The following VPS13B variants were observed in gnomAD, a reference collection of about 807,000 sequenced individuals.
VPS13B encodes the protein intermembrane lipid transfer protein VPS13B.
A neutral mutation model predicts 426.4 loss-of-function variants in VPS13B; 285 were observed. The observed-to-expected ratio is 0.67, with a 90% CI of 0.61 to 0.74. VPS13B has a LOEUF of 0.74. VPS13B is among the 30% of genes least tolerant of loss of function. The probability of loss-of-function intolerance (pLI) is 0.00; values close to 1 mark genes in which losing one functional copy is unlikely to be tolerated. For synonymous variants in VPS13B, 1,676 were observed against 1,676.4 expected (o/e 1.00, Z 0.01); for missense variants, 4,537 against 4,782.6 (o/e 0.95, Z 1.51).
At chr8:99,046,169 A>G (rs921266347) in intron 3 of VPS13B, among the ~76,000 whole-genome samples, 1 of 152,150 alleles carries the variant, frequency 6.6e-6, no homozygotes, top group African/African-American at 2.4e-5. Flanking sequence ...GATTCTACCC[A>G]TCCATGAGCA....
In VPS13B at chr8:99,303,282, A is replaced by T. The variant is rs182651108; in HGVS notation, c.2824+28028A>T. 2.7e-3 allele frequency among the ~76,000 whole-genome samples: 408 copies of T among 149,490 alleles called. 3 individuals are homozygous for T. Among genetic ancestry groups the T allele is most frequent in the Non-Finnish European group, 4.6e-3 (310 of 67,260 alleles). The stretch of plus-strand genomic sequence containing the variant: ...TCAAAAAAAAAAAAAAAAAAAAAGG[A>T]AAACAACTAGTTGAGAAGGAGAACT... On this transcript the variant is annotated intron_variant, in intron 19 of 61. Coordinates refer to ENST00000357162, the MANE Select transcript of VPS13B (RefSeq NM_152564.5).
chr8:99,794,463 A>G (rs914494869), intron 43 of VPS13B, among the ~76,000 whole-genome samples: 1 of 152,226 alleles, frequency 6.6e-6, no homozygotes, highest in Middle Eastern at 3.2e-3. Flanking sequence ...TATTAAATTC[A>G]ATCAGATAAA....
intron 57 of VPS13B, 57 bp downstream of exon 57, chr8:99,859,537 TTA>T: frequency 2.5e-6 from 4 of 1,574,976 alleles, no homozygotes; most frequent in East Asian, 4.5e-5. Flanking sequence ...TTTTTTTTTT[TTA>T]AAGAATGTGC....
At chr8:99,247,127 A>G (rs1019565081) in intron 17 of VPS13B, among the ~76,000 whole-genome samples, 14 of 152,184 alleles carry the variant, frequency 9.2e-5, no homozygotes, top group South Asian at 4.1e-4. Context: ...TGGTTATTGC[A>G]TGAAGGTACC....
intron 15 of VPS13B, among the ~76,000 whole-genome samples, chr8:99,162,652 G>A (rs1054202717): frequency 3.8e-4 from 58 of 152,090 alleles, no homozygotes; most frequent in Admixed American, 3.1e-3. Flanking sequence ...GGAGTTGTTC[G>A]TTCCTCCCGG....
intron 23 of VPS13B, among the ~76,000 whole-genome samples, chr8:99,444,306 C>T (rs1817812573): frequency 6.6e-6 from 1 of 152,038 alleles, no homozygotes; most frequent in African/African-American, 2.4e-5. Context: ...ACCATATTGG[C>T]CAGGCTGGTT....
At chr8:99,559,643 G>A (rs1446302353) in intron 31 of VPS13B, among the ~76,000 whole-genome samples, 1 of 152,158 alleles carries the variant, frequency 6.6e-6, no homozygotes, top group Non-Finnish European at 1.5e-5. Context: ...AGTTTTCCCA[G>A]CACCATTTAT....
intron 39 of VPS13B, among the ~76,000 whole-genome samples, chr8:99,733,295 G>A (rs764499879): frequency 2.0e-5 from 3 of 152,152 alleles, no homozygotes; most frequent in African/African-American, 4.8e-5. Flanking sequence ...AAACAATGTC[G>A]TCCAGCTGTT....
chr8:99,569,016 G>A (rs1013998912), intron 31 of VPS13B, among the ~76,000 whole-genome samples: 3 of 151,540 alleles, frequency 2.0e-5, no homozygotes, highest in Admixed American at 6.6e-5. Flanking sequence ...TAGAGACGGG[G>A]TCTCACCATG....
At chr8:99,711,878 C>A (rs1161410886) in intron 36 of VPS13B, among the ~76,000 whole-genome samples, 1 of 152,056 alleles carries the variant, frequency 6.6e-6, no homozygotes, top group African/African-American at 2.4e-5. Context: ...TGGATACATG[C>A]CTACATAAAT....
intron 36 of VPS13B, among the ~76,000 whole-genome samples, chr8:99,714,843 A>T (rs1295897762): frequency 1.3e-5 from 2 of 152,224 alleles, no homozygotes; most frequent in African/African-American, 4.8e-5. Context: ...AAGAATATTA[A>T]GAAGCTTTGA....
intron 24 of VPS13B, among the ~76,000 whole-genome samples, chr8:99,468,780 A>G (rs1202638719): frequency 6.6e-6 from 1 of 152,178 alleles, no homozygotes; most frequent in Non-Finnish European, 1.5e-5. Flanking sequence ...TTAATCATAA[A>G]TGTTAAATGT....
intron 25 of VPS13B, among the ~76,000 whole-genome samples, chr8:99,490,412 TTA>T (rs1368173748): frequency 1.3e-5 from 2 of 152,236 alleles, no homozygotes; most frequent in African/African-American, 4.8e-5. Flanking sequence ...GATGCTGGCC[TTA>T]TAAAATGAGT....
intron 45 of VPS13B, among the ~76,000 whole-genome samples, chr8:99,818,037 T>C (rs898918869): frequency 6.6e-6 from 1 of 152,142 alleles, no homozygotes; most frequent in South Asian, 2.1e-4. Flanking sequence ...GCAAGTGATA[T>C]CTTGAAAAAG....
At chr8:99,820,156 A>G in intron 49 of VPS13B, 34 bp downstream of exon 49, 2 of 1,582,212 alleles carry the variant, frequency 1.3e-6, no homozygotes, top group South Asian at 1.1e-5. Context: ...ACGAATTCTT[A>G]TCTCTCAACA....
chr8:99,368,388 G>A (rs550724315), intron 19 of VPS13B, among the ~76,000 whole-genome samples: 2 of 152,150 alleles, frequency 1.3e-5, no homozygotes, highest in South Asian at 4.2e-4. Context: ...GTGTTTATAT[G>A]GGTAAAGATG....
chr8:99,683,075 C>CT (rs567546237), intron 35 of VPS13B, among the ~76,000 whole-genome samples: 4 of 151,906 alleles, frequency 2.6e-5, no homozygotes, highest in Non-Finnish European at 4.4e-5. Flanking sequence ...GTTTAAGGTA[C>CT]TTTTTTTTGT....
At chr8:99,486,806 T>G (rs773026963) in intron 25 of VPS13B, among the ~76,000 whole-genome samples, 11 of 152,218 alleles carry the variant, frequency 7.2e-5, no homozygotes, top group Admixed American at 3.3e-4. Context: ...TTACCCTGAC[T>G]TTGTGTTTCC....
intron 61 of VPS13B, among the ~76,000 whole-genome samples, chr8:99,872,122 G>T (rs973324116): frequency 2.0e-5 from 3 of 152,196 alleles, no homozygotes; most frequent in African/African-American, 7.2e-5. Context: ...AGGTCCCCTG[G>T]TCTGAAAGCC....
Sources: allele counts gnomAD v4.1 joint callset (sites outside exome capture counted in the v4.1 genomes callset), GRCh38; gene constraint gnomAD v4.1.1; transcripts MANE v1.5; gene names NCBI Gene and HGNC (gene_info 2026-07-23, HGNC 2026-07-21).